The following GALNT14 variants were observed in gnomAD, a reference collection of about 807,000 sequenced individuals.
The protein encoded by GALNT14 is UDP-GalNAc:polypeptide N-acetylgalactosaminyltransferase 14.
A neutral mutation model predicts 77.5 loss-of-function variants in GALNT14; 60 were observed. That is an observed-to-expected ratio of 0.77 (90% CI 0.63 to 0.96). GALNT14 has a LOEUF of 0.96. GALNT14 is among the 40% of genes least tolerant of loss of function. The pLI is 0.00. For missense variants in GALNT14, 710 were observed against 731.0 expected (o/e 0.97, Z 0.33); for synonymous variants, 280 against 281.7 (o/e 0.99, Z 0.06).
intron 2 of GALNT14, among the ~76,000 whole-genome samples, chr2:30,971,462 C>T (rs1330387637): frequency 6.6e-6 from 1 of 152,118 alleles, no homozygotes; most frequent in South Asian, 2.1e-4. Context: ...GATCTCTATA[C>T]GTGATGGCCA....
At chr2:30,922,812 T>C (rs1665111317) in intron 13 of GALNT14, among the ~76,000 whole-genome samples, 1 of 152,252 alleles carries the variant, frequency 6.6e-6, no homozygotes, top group Admixed American at 6.5e-5. Flanking sequence ...TAGTCTTTCA[T>C]CTCTGCATCT....
At chr2:30,987,258 T>A (rs1669355736) in intron 2 of GALNT14, among the ~76,000 whole-genome samples, 1 of 152,080 alleles carries the variant, frequency 6.6e-6, no homozygotes, top group African/African-American at 2.4e-5. Context: ...ATCAAATGCA[T>A]GTAAGGGGTG....
chr2:31,079,770 G>A (rs1676043737), intron 1 of GALNT14, among the ~76,000 whole-genome samples: 1 of 152,196 alleles, frequency 6.6e-6, no homozygotes, highest in Non-Finnish European at 1.5e-5. Context: ...GGCTTCCTTA[G>A]TCATGTACGG....
chr2:31,099,046 T>C (rs1412717692), intron 1 of GALNT14, among the ~76,000 whole-genome samples: 2 of 152,184 alleles, frequency 1.3e-5, no homozygotes, highest in East Asian at 3.9e-4. Flanking sequence ...TTCAAACCCA[T>C]GTTGTTCTGA....
chr2:31,124,904 G>C (rs1678627638), intron 1 of GALNT14, among the ~76,000 whole-genome samples: 1 of 151,012 alleles, frequency 6.6e-6, no homozygotes, highest in African/African-American at 2.5e-5. Context: ...TTTCTACGTG[G>C]ACTCCTGGCC....
intron 1 of GALNT14, among the ~76,000 whole-genome samples, chr2:31,082,583 T>C (rs1162934715): frequency 1.3e-5 from 2 of 152,186 alleles, no homozygotes; most frequent in Non-Finnish European, 2.9e-5. Context: ...GTGAACTAAC[T>C]ATAACCTCTG....
intron 1 of GALNT14, among the ~76,000 whole-genome samples, chr2:31,072,304 TACACACACAC>T (rs1211106519): frequency 2.6e-5 from 1 of 37,912 alleles, no homozygotes; most frequent in Non-Finnish European, 4.9e-5. Flanking sequence ...CACACACACA[TACACACACAC>T]ACACACACGC....
chr2:31,002,936 T>G (rs1277945441), intron 1 of GALNT14, among the ~76,000 whole-genome samples: 1 of 152,230 alleles, frequency 6.6e-6, no homozygotes, highest in Admixed American at 6.5e-5. Context: ...GATCTTCATT[T>G]TAATATTTCC....
intron 1 of GALNT14, among the ~76,000 whole-genome samples, chr2:31,081,910 C>T (rs1676174820): frequency 6.6e-6 from 1 of 152,120 alleles, no homozygotes. Flanking sequence ...CCCACCCTAT[C>T]CAAAAGTCAT....
At chr2:31,084,889 G>A (rs1676341074) in intron 1 of GALNT14, among the ~76,000 whole-genome samples, 1 of 152,108 alleles carries the variant, frequency 6.6e-6, no homozygotes, top group Non-Finnish European at 1.5e-5. Flanking sequence ...ACCAGGCATG[G>A]TGGCATGCAC....
intron 1 of GALNT14, among the ~76,000 whole-genome samples, chr2:31,008,771 T>A (rs928264177): frequency 6.6e-6 from 1 of 152,202 alleles, no homozygotes; most frequent in African/African-American, 2.4e-5. Context: ...TCTTCAAATG[T>A]GACATTTTAA....
intron 1 of GALNT14, among the ~76,000 whole-genome samples, chr2:30,996,331 G>C (rs1466109191): frequency 6.6e-6 from 1 of 152,262 alleles, no homozygotes; most frequent in Admixed American, 6.5e-5. Context: ...GAATGTAGTT[G>C]AGTCTGCCTG....
At chr2:30,927,510 G>T (rs1665460078) in intron 11 of GALNT14, among the ~76,000 whole-genome samples, 1 of 152,224 alleles carries the variant, frequency 6.6e-6, no homozygotes, top group African/African-American at 2.4e-5. Flanking sequence ...CTCGATAAAT[G>T]TTGATTTATG....
intron 1 of GALNT14, among the ~76,000 whole-genome samples, chr2:30,999,829 G>A (rs1261758562): frequency 6.6e-6 from 1 of 152,190 alleles, no homozygotes. Context: ...ATAAAATATG[G>A]TGTGGAGCCT....
intron 1 of GALNT14, among the ~76,000 whole-genome samples, chr2:31,081,441 G>A (rs1228652443): frequency 1.3e-5 from 2 of 152,202 alleles, no homozygotes; most frequent in Admixed American, 1.3e-4. Flanking sequence ...TAAGCAGGAA[G>A]GAAAGGGTAA....
rs114372431 is a variant in GALNT14, at chr2:30,953,148, C to T, written c.654+2470G>A. On this transcript the variant is annotated intron_variant, in intron 6 of 14. Transcript: ENST00000349752. The stretch of plus-strand genomic sequence containing the variant: ...ACTCCAGGCATGAATGGCAGCAGGA[C>T]GACATAGCTGGCCCTAGGGTAGTGT... 1.7e-3 allele frequency among the ~76,000 whole-genome samples: 256 copies of T among 152,196 alleles called. 1 individual carries two copies. Among genetic ancestry groups the T allele is most frequent in the African/African-American group, 5.6e-3 (233 of 41,500 alleles).
chr2:30,924,013 A>G, intron 13 of GALNT14, 106 bp downstream of exon 13: 1 of 1,254,386 alleles, frequency 8.0e-7, no homozygotes, highest in East Asian at 2.3e-5. Flanking sequence ...CTCTGGGAAT[A>G]AATGGGCATC....
chr2:31,001,052 CT>C (rs1558481461), intron 1 of GALNT14, among the ~76,000 whole-genome samples: 1 of 152,178 alleles, frequency 6.6e-6, no homozygotes, highest in African/African-American at 2.4e-5. Flanking sequence ...TGTCTTCCCT[CT>C]TTTCAACAGA....
At chr2:31,008,079 G>A (rs1324887995) in intron 1 of GALNT14, among the ~76,000 whole-genome samples, 1 of 152,022 alleles carries the variant, frequency 6.6e-6, no homozygotes, top group African/African-American at 2.4e-5. Flanking sequence ...CCAACCCTCA[G>A]ATCTATTTAT....
Sources: gnomAD v4.1 joint callset for allele counts (sites outside exome capture counted in the v4.1 genomes callset) on GRCh38, gnomAD v4.1.1 for gene constraint, MANE v1.5 for transcripts, NCBI Gene and HGNC (gene_info 2026-07-23, HGNC 2026-07-21) for gene names.